Variants in SAMMSON observed in about 807,000 individuals in gnomAD.
The protein encoded by SAMMSON is long intergenic non-protein coding RNA 1212.
intron 2 of SAMMSON, among the ~76,000 whole-genome samples, chr3:70,406,029 A>T (rs559951682): frequency 7.2e-5 from 11 of 152,332 alleles, no homozygotes; most frequent in Non-Finnish European, 1.2e-4. Flanking sequence ...ATTCTTGAAA[A>T]TTGCTGAAAG....
intron 4 of SAMMSON, among the ~76,000 whole-genome samples, chr3:70,160,302 A>G (rs2067609705): frequency 6.6e-6 from 1 of 151,898 alleles, no homozygotes; most frequent in Non-Finnish European, 1.5e-5. Flanking sequence ...CTATAATCAT[A>G]TTGAGATAAT....
intron 4 of SAMMSON, among the ~76,000 whole-genome samples, chr3:70,237,417 C>T (rs1701620500): frequency 6.6e-6 from 1 of 152,202 alleles, no homozygotes; most frequent in African/African-American, 2.4e-5. Context: ...TCTATCTTGA[C>T]CTCTTTGTGC....
chr3:70,392,478 T>TAAG (rs1331603601), downstream of SAMMSON, among the ~76,000 whole-genome samples: 6 of 152,154 alleles, frequency 3.9e-5, no homozygotes, highest in Non-Finnish European at 4.4e-5. Context: ...CTCAGGACTT[T>TAAG]GCAGCCTCGT....
At chr3:70,192,938 G>C (rs899484950) in intron 4 of SAMMSON, among the ~76,000 whole-genome samples, 2 of 152,022 alleles carry the variant, frequency 1.3e-5, no homozygotes, top group South Asian at 4.2e-4. Flanking sequence ...GGCGCGGGGG[G>C]TTGTGGCTGT....
chr3:70,143,229 G>T (rs145777376), intron 4 of SAMMSON, among the ~76,000 whole-genome samples: 261 of 151,938 alleles, frequency 1.7e-3, no homozygotes, highest in Admixed American at 6.3e-3. Flanking sequence ...AAACATCTGG[G>T]CTTGGAATTC....
At chr3:70,391,878 G>A (rs1173656849), downstream of SAMMSON, among the ~76,000 whole-genome samples, 1 of 152,134 alleles carries the variant, frequency 6.6e-6, no homozygotes, top group African/African-American at 2.4e-5. Context: ...AAATAAAGAT[G>A]TCTTCTCACT....
At chr3:70,152,786 G>A (rs2067576954) in intron 4 of SAMMSON, among the ~76,000 whole-genome samples, 1 of 152,048 alleles carries the variant, frequency 6.6e-6, no homozygotes, top group African/African-American at 2.4e-5. Context: ...ATTGCTTCAT[G>A]TTTAGACTTT....
At chr3:70,053,718 A>C (rs1305771028) in intron 3 of SAMMSON, among the ~76,000 whole-genome samples, 1 of 152,082 alleles carries the variant, frequency 6.6e-6, no homozygotes, top group Non-Finnish European at 1.5e-5. Flanking sequence ...TTCCCATTAT[A>C]CTACATATCT....
intron 7 of SAMMSON, among the ~76,000 whole-genome samples, chr3:70,319,144 T>C (rs1206875830): frequency 1.3e-5 from 2 of 152,062 alleles, no homozygotes; most frequent in Non-Finnish European, 1.5e-5. Flanking sequence ...TTCTCTACAT[T>C]ATAGAGTCCC....
chr3:70,197,763 C>G (rs1357407363), intron 4 of SAMMSON, among the ~76,000 whole-genome samples: 1 of 152,166 alleles, frequency 6.6e-6, no homozygotes, highest in African/African-American at 2.4e-5. Context: ...TATTTTTAAT[C>G]TCTGTTTCCG....
At chr3:70,348,905 A>G (rs2106733544) in intron 7 of SAMMSON, among the ~76,000 whole-genome samples, 1 of 152,214 alleles carries the variant, frequency 6.6e-6, no homozygotes, top group East Asian at 1.9e-4. Context: ...CTATATGAAG[A>G]GAGACAATCA....
At chr3:70,028,833 C>G (rs147973823) in intron 3 of SAMMSON, among the ~76,000 whole-genome samples, 51 of 152,222 alleles carry the variant, frequency 3.4e-4, no homozygotes, top group African/African-American at 1.2e-3. Context: ...GTTTTCTCAC[C>G]GATGATAATG....
At chr3:70,332,520 A>C (rs921276384) in intron 7 of SAMMSON, among the ~76,000 whole-genome samples, 3 of 152,186 alleles carry the variant, frequency 2.0e-5, no homozygotes, top group Non-Finnish European at 4.4e-5. Flanking sequence ...AAGTTACTTA[A>C]AATAGATCAG....
At position 70,210,621 on chromosome 3, in the gene SAMMSON, T is replaced by A. The variant is rs574636042; in HGVS notation, n.508-38486T>A. Among the ~76,000 whole-genome samples the A allele has an allele frequency of 2.0e-5, 3 of 152,262 alleles. No homozygotes were observed. In the South Asian group the frequency reaches 6.2e-4, roughly 32 times the overall value. On this transcript the variant is annotated intron_variant and non_coding_transcript_variant, in intron 4 of 9. Coordinates refer to ENST00000642114, the Ensembl canonical transcript of SAMMSON. ...GAAACATAAAAAGTAGTGTCATATC[T>A]TCTGTAGAGAAAATTATTTTAGAGT...
At chr3:70,055,738 G>A (rs2067164627) in intron 3 of SAMMSON, among the ~76,000 whole-genome samples, 2 of 152,040 alleles carry the variant, frequency 1.3e-5, no homozygotes, top group African/African-American at 4.8e-5. Flanking sequence ...AAAAAGGAGA[G>A]ATTAATTTCC....
intron 3 of SAMMSON, among the ~76,000 whole-genome samples, chr3:70,058,034 T>C (rs2067174342): frequency 6.6e-6 from 1 of 152,102 alleles, no homozygotes; most frequent in African/African-American, 2.4e-5. Flanking sequence ...GGTTTTGGGA[T>C]CTGAATTAGT....
intron 4 of SAMMSON, among the ~76,000 whole-genome samples, chr3:70,185,219 G>A (rs974828099): frequency 1.3e-5 from 2 of 152,062 alleles, no homozygotes; most frequent in African/African-American, 4.8e-5. Context: ...ACCAAAGAAA[G>A]CCTTAACTGG....
chr3:70,236,299 C>T (rs1018918084), intron 4 of SAMMSON, among the ~76,000 whole-genome samples: 13 of 152,156 alleles, frequency 8.5e-5, no homozygotes, highest in Non-Finnish European at 1.8e-4. Context: ...AAACTCCCTG[C>T]ACTTAAAAAA....
chr3:70,260,838 A>G (rs1307339307), intron 6 of SAMMSON, among the ~76,000 whole-genome samples: 1 of 152,092 alleles, frequency 6.6e-6, no homozygotes, highest in Non-Finnish European at 1.5e-5. Flanking sequence ...CCCTTTTAAA[A>G]GCAGTCCCTT....
Sources: allele counts gnomAD v4.1 joint callset (sites outside exome capture counted in the v4.1 genomes callset), GRCh38; gene constraint gnomAD v4.1.1; transcripts MANE v1.5; gene names NCBI Gene and HGNC (gene_info 2026-07-23, HGNC 2026-07-21).